The following ST18 variants were observed in gnomAD, a reference collection of about 807,000 sequenced individuals.
ST18 encodes ST18 C2H2C-type zinc finger transcription factor, also known as suppression of tumorigenicity 18 protein.
Under a neutral mutation model 110.0 loss-of-function variants are expected in ST18, and 50 were observed. The ratio of observed to expected loss-of-function variants is 0.45; its 90% CI spans 0.36 to 0.58. ST18 has a LOEUF of 0.58. Among genes scored for constraint, ST18 ranks in the 20% least tolerant of loss-of-function variants. ST18 has a pLI of 0.00. For synonymous variants in ST18, 461 were observed against 452.4 expected (o/e 1.02, Z -0.24); for missense variants, 1,306 against 1,280.1 (o/e 1.02, Z -0.31).
chr8:52,143,175 A>G, intron 16 of ST18, 130 bp from the exon 17 acceptor site: 1 of 633,102 alleles, frequency 1.6e-6, no homozygotes. Context: ...GAAATACCTT[A>G]GAGGATTTGC....
chr8:52,172,048 G>A lies in ST18; in HGVS notation c.813C>T (p.Ala271=). The change falls in exon 10 of 26, where the codon GCC becomes GCT. Residue 271 remains alanine, a synonymous_variant. Transcript: ENST00000689386. ...CCTCAACGTCAGGGAATGAGGGCTG[G>A]GCATTGCCATCCAGGGGTTCTGCGA... ...NALAEPLDGN[A]QPSFPDVEEE... The A allele has an allele frequency of 6.2e-7, 1 of 1,614,176 alleles. No individual in the cohort carries two copies.
In ST18 at chr8:52,408,696, A is replaced by G. The variant is rs962818226; in HGVS notation, c.-465+632T>C. 2.0e-5 allele frequency among the ~76,000 whole-genome samples: 3 copies of G among 152,186 alleles called. No homozygotes were observed. In the East Asian group the frequency reaches 5.8e-4, roughly 29 times the overall value. ...AATACCCATTCAAAAGTCCAAAATA[A>G]TGTTCATTTTCAGTGACCTAAATTA... On this transcript the variant is annotated intron_variant, in intron 2 of 25. Coordinates refer to ENST00000689386, the MANE Select transcript of ST18 (RefSeq NM_001352837.2).
At chr8:52,238,099 C>T (rs967795863) in intron 2 of ST18, among the ~76,000 whole-genome samples, 3 of 152,162 alleles carry the variant, frequency 2.0e-5, no homozygotes, top group Admixed American at 2.0e-4. Flanking sequence ...ATCCAACCTT[C>T]ACATGTTGCT....
intron 12 of ST18, among the ~76,000 whole-genome samples, chr8:52,164,856 G>C (rs2062440507): frequency 6.6e-6 from 1 of 152,164 alleles, no homozygotes; most frequent in Admixed American, 6.5e-5. Flanking sequence ...CATTCTATTT[G>C]TATGATTATA....
At chr8:52,116,061 T>TA (rs1168499488) in intron 25 of ST18, among the ~76,000 whole-genome samples, 1 of 152,136 alleles carries the variant, frequency 6.6e-6, no homozygotes, top group African/African-American at 2.4e-5. Flanking sequence ...CTTTGGCCTC[T>TA]AAAAAATTCT....
chr8:52,148,226 A>T lies in ST18; in HGVS notation c.2052+1506T>A, dbSNP rs967436312. ...TTATTTTAATAAATGATTCTTCTAAAATAGTACTATGATAGATTGATTAAG... is the reference window on the plus strand; with the variant it reads ...TTATTTTAATAAATGATTCTTCTAATATAGTACTATGATAGATTGATTAAG... On this transcript the variant is annotated intron_variant, in intron 16 of 25. Transcript: ENST00000689386. 2.0e-5 allele frequency among the ~76,000 whole-genome samples: 3 copies of T among 152,188 alleles called. No homozygotes were observed. The East Asian group carries it at 5.8e-4, about 29-fold the overall frequency.
chr8:52,283,665 T>TA (rs2095422875), intron 2 of ST18, among the ~76,000 whole-genome samples: 1 of 152,188 alleles, frequency 6.6e-6, no homozygotes, highest in Non-Finnish European at 1.5e-5. Context: ...AGTCGCGTGT[T>TA]AAAGACACTG....
In ST18 at chr8:52,161,362, G is replaced by C. The variant is rs759047767; in HGVS notation, c.1594+13C>G. The C allele has an allele frequency of 1.2e-6, 2 of 1,611,154 alleles. No individual in the cohort carries two copies. Among genetic ancestry groups the C allele is most frequent in the Non-Finnish European group, 1.7e-6 (2 of 1,178,326 alleles). On this transcript the variant is annotated intron_variant, in intron 14 of 25. Coordinates refer to ENST00000689386, the MANE Select transcript of ST18 (RefSeq NM_001352837.2). ...AGCATTTTGGGGAAACGGCATTAGAGCTCAAAGCTTACATTCAGGAAATGG... is the reference window on the plus strand; with the variant it reads ...AGCATTTTGGGGAAACGGCATTAGACCTCAAAGCTTACATTCAGGAAATGG...
intron 2 of ST18, among the ~76,000 whole-genome samples, chr8:52,273,609 A>G (rs542811234): frequency 1.3e-5 from 2 of 152,184 alleles, no homozygotes; most frequent in Non-Finnish European, 2.9e-5. Context: ...GAAGGCTTTT[A>G]TTTCTTTTAC....
chr8:52,164,222 C>A, intron 12 of ST18, 132 bp from the exon 13 acceptor site: 1 of 735,352 alleles, frequency 1.4e-6, no homozygotes, highest in South Asian at 1.8e-5. Flanking sequence ...GCACCACGCA[C>A]ACACTGAAAG....
chr8:52,292,617 G>A (rs927816250), intron 2 of ST18, among the ~76,000 whole-genome samples: 1 of 152,178 alleles, frequency 6.6e-6, no homozygotes. Flanking sequence ...GTCCTATGGG[G>A]AACAGTCTTG....
intron 22 of ST18, among the ~76,000 whole-genome samples, chr8:52,126,425 CCATT>C (rs1290076222): frequency 2.0e-5 from 3 of 152,190 alleles, no homozygotes; most frequent in African/African-American, 7.2e-5. Flanking sequence ...CTATTCATCT[CCATT>C]CAAGTAAGTT....
In ST18 at chr8:52,110,946, AAACT is replaced by A. The variant is rs1257234262; in HGVS notation, c.*2248_*2251del. The A allele has an allele frequency of 2.5e-6, 1 of 398,140 alleles. No individual in the cohort carries two copies. Among genetic ancestry groups the A allele is most frequent in the African/African-American group, 2.1e-5 (1 of 48,620 alleles). 24.7% of individuals were successfully genotyped at this position (398,140 alleles called of 1,614,324 possible). On this transcript the variant is annotated 3_prime_UTR_variant, in exon 26 of 26. Coordinates refer to ENST00000689386, the MANE Select transcript of ST18 (RefSeq NM_001352837.2). ...GTGTTTGGAGAAACAGTATACAAAC[AAACT>A]ACCTCAAATTAAAAAAAATGCATAC...
At chr8:52,133,416 T>G (rs73679135) in intron 19 of ST18, 115 bp from the exon 20 acceptor site, 3 of 1,266,094 alleles carry the variant, frequency 2.4e-6, no homozygotes, top group Non-Finnish European at 3.4e-6. Flanking sequence ...GTCTCTGTAG[T>G]TCACGTGGAG....
chr8:52,178,139 G>A (rs1031694058), intron 9 of ST18, among the ~76,000 whole-genome samples: 3 of 152,078 alleles, frequency 2.0e-5, no homozygotes, highest in African/African-American at 7.2e-5. Flanking sequence ...TACAATAGAA[G>A]GTGACAAGTC....
intron 24 of ST18, among the ~76,000 whole-genome samples, chr8:52,117,629 C>T (rs2043020675): frequency 6.6e-6 from 1 of 152,170 alleles, no homozygotes; most frequent in African/African-American, 2.4e-5. Flanking sequence ...TGGATTAAAA[C>T]CCTTTGTCTT....
intron 8 of ST18, among the ~76,000 whole-genome samples, chr8:52,182,702 C>G (rs779015000): frequency 1.6e-4 from 24 of 152,028 alleles, no homozygotes; most frequent in Non-Finnish European, 2.6e-4. Flanking sequence ...TGAATTAGCT[C>G]TAGAGATATG....
intron 2 of ST18, among the ~76,000 whole-genome samples, chr8:52,282,054 AT>A (rs2095389640): frequency 6.6e-6 from 1 of 152,206 alleles, no homozygotes; most frequent in Admixed American, 6.5e-5. Flanking sequence ...TAAAAGTAAA[AT>A]TAAAAAGCTA....
At chr8:52,298,689 A>G (rs975855352) in intron 2 of ST18, among the ~76,000 whole-genome samples, 4 of 152,246 alleles carry the variant, frequency 2.6e-5, no homozygotes, top group African/African-American at 9.6e-5. Flanking sequence ...ATATGAAATT[A>G]TATCAATAGA....
Sources: gnomAD v4.1 joint callset for allele counts (sites outside exome capture counted in the v4.1 genomes callset) on GRCh38, gnomAD v4.1.1 for gene constraint, MANE v1.5 for transcripts, NCBI Gene and HGNC (gene_info 2026-07-23, HGNC 2026-07-21) for gene names.